Variants in CYSLTR1 observed in about 807,000 individuals in gnomAD.
CYSLTR1 encodes cysteinyl leukotriene receptor 1.
Under a neutral mutation model 2.1 loss-of-function variants are expected in CYSLTR1, and 1 was observed. That is an observed-to-expected ratio of 0.48 (90% confidence interval 0.17 to 2.28). CYSLTR1 has a LOEUF of 2.28. Among genes scored for constraint, CYSLTR1 ranks in the 30% most tolerant of loss-of-function variants. The pLI is 0.26. For synonymous variants in CYSLTR1, 110 were observed against 89.6 expected (o/e 1.23, Z -1.28); for missense variants, 299 against 250.1 (o/e 1.20, Z -1.32).
intron 1 of CYSLTR1, chrX:78,320,905 C>A (rs1277540927): frequency 9.0e-6 from 1 of 111,521 alleles, no homozygotes; most frequent in African/African-American, 3.3e-5. Flanking sequence ...TGATTTGGCT[C>A]TCTGTTTTTC....
At chrX:78,312,877 T>G (rs894421870) in intron 1 of CYSLTR1, among the ~76,000 whole-genome samples, 1 of 112,343 alleles carries the variant, frequency 8.9e-6, no homozygotes, top group African/African-American at 3.2e-5. Flanking sequence ...GAATGCAAAC[T>G]AGTTCAGTCA....
At chrX:78,319,399 A>T (rs183419507) in intron 1 of CYSLTR1, 9 of 108,935 alleles carry the variant, frequency 8.3e-5, no homozygotes, top group Admixed American at 6.9e-4. Flanking sequence ...TTTGCTGAGA[A>T]TGATGGTTTC....
At chrX:78,325,597 C>T (rs1356724069) in intron 1 of CYSLTR1, among the ~76,000 whole-genome samples, 1 of 111,828 alleles carries the variant, frequency 8.9e-6, no homozygotes. Context: ...TCCCAGTTAT[C>T]CCAGTTACCC....
Position 78,273,753 on chromosome X carries a change from CTACGAATGTCTGCTT to C in CYSLTR1, c.-22_-8del. ...GATTTCCTGTTTCATCCATGTTTCTCTACGAATGTCTGCTTTGTGCCTATAATAAATAAAAAAAAT... is the reference window on the plus strand; with the variant it reads ...GATTTCCTGTTTCATCCATGTTTCTCTGTGCCTATAATAAATAAAAAAAAT... On this transcript the variant is annotated 5_prime_UTR_variant, in exon 3 of 3. Coordinates refer to ENST00000373304, the MANE Select transcript of CYSLTR1 (RefSeq NM_006639.4). The C allele has an allele frequency of 8.4e-7, 1 of 1,184,116 alleles. No individual in the cohort carries two copies. The highest frequency in any genetic ancestry group is 1.1e-6 in the Non-Finnish European group (1 of 880,375).
chrX:78,325,396 A>G (rs751954144), intron 1 of CYSLTR1, among the ~76,000 whole-genome samples: 14 of 112,184 alleles, frequency 1.2e-4, no homozygotes, highest in African/African-American at 4.2e-4. Flanking sequence ...TGGAATTTAA[A>G]CAAAATCCTT....
chrX:78,298,675 T>C (rs1922681792), intron 1 of CYSLTR1, among the ~76,000 whole-genome samples: 1 of 111,769 alleles, frequency 8.9e-6, no homozygotes, highest in Non-Finnish European at 1.9e-5. Flanking sequence ...ATTTTGTCTG[T>C]TGTAAGTATA....
At chrX:78,303,077 C>G (rs1423147696) in intron 1 of CYSLTR1, among the ~76,000 whole-genome samples, 2 of 111,682 alleles carry the variant, frequency 1.8e-5, no homozygotes, top group Non-Finnish European at 3.8e-5. Context: ...AGCATCAAGA[C>G]TTGTGGGAAC....
intron 2 of CYSLTR1, among the ~76,000 whole-genome samples, chrX:78,276,880 A>G (rs1006723156): frequency 5.9e-4 from 65 of 110,929 alleles, no homozygotes; most frequent in African/African-American, 2.1e-3. Flanking sequence ...GCACAGGGGT[A>G]CCAAGTACTA....
chrX:78,290,537 T>G (rs1922277007), intron 1 of CYSLTR1, among the ~76,000 whole-genome samples: 1 of 111,992 alleles, frequency 8.9e-6, no homozygotes, highest in Admixed American at 9.5e-5. Context: ...GCATTGAAAT[T>G]ATCTCAGGCA....
chrX:78,291,748 A>C (rs998249761), intron 1 of CYSLTR1, among the ~76,000 whole-genome samples: 1 of 111,194 alleles, frequency 9.0e-6, no homozygotes, highest in Admixed American at 9.5e-5. Context: ...GTTTATTTGC[A>C]TAGAGGTGTT....
At chrX:78,286,699 T>G (rs1247222061) in intron 1 of CYSLTR1, among the ~76,000 whole-genome samples, 1 of 98,655 alleles carries the variant, frequency 1.0e-5, no homozygotes, top group African/African-American at 3.7e-5. Context: ...GTCCATATGT[T>G]CTCATTGTTC....
chrX:78,301,037 C>T (rs1004012264), intron 1 of CYSLTR1, among the ~76,000 whole-genome samples: 23 of 112,573 alleles, frequency 2.0e-4, no homozygotes, highest in African/African-American at 6.4e-4. Context: ...AGCTGTACCT[C>T]GGCTCCTTTT....
intron 2 of CYSLTR1, among the ~76,000 whole-genome samples, chrX:78,276,362 T>C (rs933726419): frequency 2.2e-4 from 25 of 111,638 alleles, no homozygotes; most frequent in African/African-American, 7.8e-4. Context: ...GATTGAAGTC[T>C]GATGTTGGCC....
At chrX:78,317,308 T>C (rs1923455299) in intron 1 of CYSLTR1, among the ~76,000 whole-genome samples, 1 of 112,323 alleles carries the variant, frequency 8.9e-6, no homozygotes, top group South Asian at 3.7e-4. Flanking sequence ...CTACAAGACT[T>C]AATTAAAAAA....
intron 2 of CYSLTR1, among the ~76,000 whole-genome samples, chrX:78,275,805 C>T (rs991970705): frequency 6.3e-5 from 7 of 111,362 alleles, no homozygotes; most frequent in Non-Finnish European, 1.1e-4. Flanking sequence ...TGAGTGCCAC[C>T]CATACCTATG....
At chrX:78,311,539 A>T (rs1022524380) in intron 1 of CYSLTR1, among the ~76,000 whole-genome samples, 1 of 111,848 alleles carries the variant, frequency 8.9e-6, no homozygotes, top group African/African-American at 3.3e-5. Flanking sequence ...GGAAAAGAAG[A>T]AGTCAAACTA....
chrX:78,313,195 G>T (rs1923280889), intron 1 of CYSLTR1, among the ~76,000 whole-genome samples: 1 of 111,921 alleles, frequency 8.9e-6, no homozygotes, highest in Non-Finnish European at 1.9e-5. Context: ...ATTATTCTAA[G>T]CAAATTAACA....
At position 78,273,657 on chromosome X, in the gene CYSLTR1, G is replaced by A. The variant is rs752886755; in HGVS notation, c.90C>T (p.Tyr30=). 1 of 1,211,567 alleles carries A rather than the reference G, an allele frequency of 8.3e-7. No homozygotes were observed. Among genetic ancestry groups the A allele is most frequent in the South Asian group, 1.8e-5 (1 of 56,984 alleles). Residue 30 remains tyrosine (Y), a synonymous_variant, in exon 3 of 3, where the codon TAC becomes TAT. Coordinates refer to ENST00000373304, the MANE Select transcript of CYSLTR1 (RefSeq NM_006639.4). ...AGAAGCCTACAACAGAGATCATAGA[G>A]TACAAGGTGGAATACACTTGATTGC... ...DFRNQVYSTL[Y]SMISVVGFFG...
chrX:78,327,039 A>G (rs897442542), intron 1 of CYSLTR1, among the ~76,000 whole-genome samples: 3 of 111,960 alleles, frequency 2.7e-5, no homozygotes, highest in African/African-American at 9.8e-5. Flanking sequence ...ACAAAGGCAC[A>G]GGAGGTTTGC....
Sources: allele counts gnomAD v4.1 joint callset (sites outside exome capture counted in the v4.1 genomes callset), GRCh38; gene constraint gnomAD v4.1.1; transcripts MANE v1.5; gene names NCBI Gene and HGNC (gene_info 2026-07-23, HGNC 2026-07-21).